Variants in SUPT16H observed in about 807,000 individuals in gnomAD.
SUPT16H encodes the protein FACT complex subunit SPT16.
A neutral mutation model predicts 136.2 loss-of-function variants in SUPT16H; 24 were observed. The observed-to-expected ratio is 0.18, with a 90% CI of 0.13 to 0.25. The LOEUF (loss-of-function observed/expected upper bound fraction) is 0.25. Among genes scored for constraint, SUPT16H ranks in the 10% least tolerant of loss-of-function variants. The pLI is 1.00. For missense variants in SUPT16H, 623 were observed against 1,270.2 expected, an observed-to-expected ratio of 0.49 and a Z score of 7.74; for synonymous variants, 415 against 428.2, an observed-to-expected ratio of 0.97 and a Z score of 0.38.
Position 21,357,253 on chromosome 14 carries a change from C to A in SUPT16H, c.2604G>T (p.Val868=). ...CTACAGGAATGGCGTTGATCATGGT[C>A]ACTTTCTTGCTGTAGTCCTTGTAGA... The part of the protein sequence containing the change: ...VIVYKDYSKK[V]TMINAIPVAS... Residue 868 remains valine (V), a synonymous_variant, in exon 22 of 26, where the codon GTG becomes GTT. Coordinates refer to ENST00000216297, the MANE Select transcript of SUPT16H (RefSeq NM_007192.4). 6.2e-7 allele frequency: 1 copy of A among 1,613,004 alleles called. No homozygotes were observed. Among genetic ancestry groups the A allele is most frequent in the Non-Finnish European group, 8.5e-7 (1 of 1,179,478 alleles).
In SUPT16H at chr14:21,351,766, G is replaced by A. The variant is rs1314606010; in HGVS notation, c.*907C>T. The A allele has an allele frequency of 2.0e-5, 3 of 152,956 alleles. No homozygotes were observed. The East Asian group carries it at 5.8e-4, about 29-fold the overall frequency. 9.5% of individuals were successfully genotyped at this position (152,956 alleles called of 1,614,324 possible). On this transcript the variant is annotated 3_prime_UTR_variant, in exon 26 of 26. Coordinates refer to ENST00000216297, the MANE Select transcript of SUPT16H (RefSeq NM_007192.4). The stretch of plus-strand genomic sequence containing the variant: ...CAATGCAAGACAAAGTTAAAATAAG[G>A]AGCAGCAGTGCCGAGAGGCTGTGTT...
intron 8 of SUPT16H, 150 bp from the exon 9 acceptor site, chr14:21,365,293 C>T: frequency 2.8e-6 from 2 of 721,112 alleles, no homozygotes; most frequent in Non-Finnish European, 4.6e-6. Flanking sequence ...AAAGAGGATT[C>T]AAAGACAGTC....
chr14:21,371,686 ACAG>A (rs1265149891), intron 3 of SUPT16H, among the ~76,000 whole-genome samples, 185 bp downstream of exon 3: 2 of 152,242 alleles, frequency 1.3e-5, no homozygotes, highest in Non-Finnish European at 2.9e-5. Context: ...CATTTGTTTT[ACAG>A]CAGAACTGAT....
At chr14:21,370,833 C>T (rs1030167885) in intron 3 of SUPT16H, among the ~76,000 whole-genome samples, 11 of 150,832 alleles carry the variant, frequency 7.3e-5, no homozygotes, top group African/African-American at 2.7e-4. Context: ...TGGAGTGCAG[C>T]GGCGCAATCT....
chr14:21,355,318 C>T (rs1352235540), intron 22 of SUPT16H, among the ~76,000 whole-genome samples: 1 of 151,866 alleles, frequency 6.6e-6, no homozygotes, highest in Non-Finnish European at 1.5e-5. Flanking sequence ...CACGGTGAAA[C>T]CCCGTCCTAC....
At chr14:21,380,125 C>T (rs2139420714) in intron 1 of SUPT16H, among the ~76,000 whole-genome samples, 1 of 152,134 alleles carries the variant, frequency 6.6e-6, no homozygotes. Context: ...TATTTACATG[C>T]ACTTACACTA....
chr14:21,382,130 C>T (rs1011667315), intron 1 of SUPT16H, among the ~76,000 whole-genome samples: 3 of 152,178 alleles, frequency 2.0e-5, no homozygotes, highest in African/African-American at 7.2e-5. Context: ...CAAAGAACTT[C>T]TACAGGTGGG....
chr14:21,367,715 T>C (rs1020522398), intron 7 of SUPT16H, among the ~76,000 whole-genome samples: 2 of 152,194 alleles, frequency 1.3e-5, no homozygotes, highest in Non-Finnish European at 2.9e-5. Flanking sequence ...TGTGATGATC[T>C]GGACACAGAG....
In SUPT16H at chr14:21,369,272, A is replaced by T; in HGVS notation, c.714T>A (p.Thr238=). 6.2e-7 allele frequency: 1 copy of T among 1,614,180 alleles called. No homozygotes were observed. The highest frequency in any genetic ancestry group is 2.2e-5 in the East Asian group (1 of 44,882). The change falls in exon 6 of 26, where the codon ACT becomes ACA. Residue 238 remains threonine, a synonymous_variant. Coordinates refer to ENST00000216297, the MANE Select transcript of SUPT16H (RefSeq NM_007192.4). ...TGATAGGAGGGTAACACATTTCCAC[A>T]GTAGAAGGGTCTGCCCCAGCAAGGT... The part of the protein sequence containing the change: ...KKYLAGADPS[T]VEMCYPPIIQ...
chr14:21,383,426 T>C, intron 1 of SUPT16H: 1 of 527,796 alleles, frequency 1.9e-6, no homozygotes, highest in South Asian at 2.6e-5. Flanking sequence ...GACATCCTCC[T>C]TGCCCTTCCA....
chr14:21,359,650 C>G, intron 18 of SUPT16H, 41 bp from the exon 19 acceptor site: 1 of 1,601,588 alleles, frequency 6.2e-7, no homozygotes, highest in Non-Finnish European at 8.5e-7. Flanking sequence ...GTCAGAAACA[C>G]AAAGGTATCT....
chr14:21,379,906 AAAC>A (rs1347215293), intron 1 of SUPT16H, among the ~76,000 whole-genome samples: 2 of 151,676 alleles, frequency 1.3e-5, no homozygotes, highest in African/African-American at 4.8e-5. Flanking sequence ...ACAAACAAAC[AAAC>A]AAAAAAACCT....
chr14:21,377,257 A>C (rs892250358), intron 1 of SUPT16H, among the ~76,000 whole-genome samples: 1 of 152,200 alleles, frequency 6.6e-6, no homozygotes, highest in Non-Finnish European at 1.5e-5. Flanking sequence ...GGATTTCCCC[A>C]AAAGAGACAT....
chr14:21,372,651 C>T (rs1047225942), intron 2 of SUPT16H: 19 of 451,858 alleles, frequency 4.2e-5, no homozygotes, highest in South Asian at 7.9e-5. Context: ...TTCTGTACCA[C>T]GTGCAAGAGG....
chr14:21,353,403 A>G (rs966296594), intron 25 of SUPT16H, 85 bp downstream of exon 25: 12 of 1,358,014 alleles, frequency 8.8e-6, no homozygotes, highest in Middle Eastern at 2.6e-4. Flanking sequence ...TCATTACGCC[A>G]TCAATACTAA....
intron 14 of SUPT16H, 113 bp from the exon 15 acceptor site, chr14:21,362,437 C>T: frequency 1.0e-6 from 1 of 990,514 alleles, no homozygotes; most frequent in South Asian, 2.2e-5. Context: ...TAACCTTAAT[C>T]TAAATCTAAT....
intron 1 of SUPT16H, among the ~76,000 whole-genome samples, chr14:21,380,607 T>TC (rs1009117110): frequency 1.4e-4 from 21 of 152,110 alleles, no homozygotes; most frequent in African/African-American, 4.8e-4. Context: ...TTCTTTGGGG[T>TC]CAGTCTTCCA....
intron 1 of SUPT16H, among the ~76,000 whole-genome samples, chr14:21,377,639 T>A (rs1198786246): frequency 6.6e-6 from 1 of 150,582 alleles, no homozygotes; most frequent in Non-Finnish European, 1.5e-5. Context: ...TTATTCTTTT[T>A]TTGAGACACA....
intron 18 of SUPT16H, 106 bp downstream of exon 18, chr14:21,360,309 T>G: frequency 1.4e-5 from 12 of 875,744 alleles, no homozygotes; most frequent in African/African-American, 1.7e-5. Context: ...ATTGTGGGCA[T>G]GAGCCACCGC....
Sources: allele counts gnomAD v4.1 joint callset (sites outside exome capture counted in the v4.1 genomes callset), GRCh38; gene constraint gnomAD v4.1.1; transcripts MANE v1.5; gene names NCBI Gene and HGNC (gene_info 2026-07-23, HGNC 2026-07-21).